IQGAP2: variants seen among roughly 807,000 people sequenced by gnomAD.
IQGAP2 encodes the protein IQ motif containing GTPase activating protein 2.
Under a neutral mutation model 201.3 loss-of-function variants are expected in IQGAP2, and 173 were observed. That is an observed-to-expected ratio of 0.86 (90% CI 0.76 to 0.98). The LOEUF (loss-of-function observed/expected upper bound fraction) is 0.98. Ranked by LOEUF, IQGAP2 falls within the 50% of genes least tolerant of loss-of-function variation. IQGAP2 has a pLI of 0.00. For missense variants in IQGAP2, 1,687 were observed against 1,864.8 expected (o/e 0.90, Z 1.76); for synonymous variants, 675 against 673.9 (o/e 1.00, Z -0.03).
At chr5:76,628,447 C>G (rs73123717) in intron 14 of IQGAP2, among the ~76,000 whole-genome samples, 2,287 of 152,294 alleles carry the variant, frequency 0.015, 74 homozygotes, top group African/African-American at 0.052. Context: ...CTGGCAGAAT[C>G]CCCACATTGG....
chr5:76,455,493 A>G (rs1039300830), intron 1 of IQGAP2, among the ~76,000 whole-genome samples: 3 of 151,796 alleles, frequency 2.0e-5, no homozygotes, highest in Non-Finnish European at 2.9e-5. Flanking sequence ...AACAAAACCA[A>G]CAAGTGTTAA....
At chr5:76,629,152 T>G (rs1010032530) in intron 14 of IQGAP2, among the ~76,000 whole-genome samples, 4 of 152,198 alleles carry the variant, frequency 2.6e-5, no homozygotes, top group Admixed American at 2.0e-4. Flanking sequence ...ACATCTAAAA[T>G]CCTATCTTTT....
At chr5:76,577,804 G>GAACT (rs1366677294) in intron 5 of IQGAP2, among the ~76,000 whole-genome samples, 1 of 152,198 alleles carries the variant, frequency 6.6e-6, no homozygotes, top group Non-Finnish European at 1.5e-5. Flanking sequence ...TGATGGAAAT[G>GAACT]AACTAACATG....
At chr5:76,657,694 A>G (rs183692927) in intron 20 of IQGAP2, among the ~76,000 whole-genome samples, 6 of 152,158 alleles carry the variant, frequency 3.9e-5, no homozygotes, top group Admixed American at 1.3e-4. Flanking sequence ...CTCCCTAAGC[A>G]TGTTAAAAAT....
chr5:76,617,669 C>T lies in IQGAP2; in HGVS notation c.1521+6486C>T, dbSNP rs1351589117. Reference sequence around the variant, plus strand: ...GATCTAAGCAACTATTAAGACTACCCAGGCACAAAGCTATGAGATATATAA... The same window carrying T: ...GATCTAAGCAACTATTAAGACTACCTAGGCACAAAGCTATGAGATATATAA... On this transcript the variant is annotated intron_variant, in intron 13 of 35. Transcript: ENST00000274364. 4 of 1,613,866 alleles carry T rather than the reference C, an allele frequency of 2.5e-6. No individual in the cohort carries two copies. The Admixed American group carries it at 6.7e-5, about 27-fold the overall frequency.
chr5:76,553,668 G>T (rs1240028443), intron 2 of IQGAP2, among the ~76,000 whole-genome samples: 1 of 152,060 alleles, frequency 6.6e-6, no homozygotes, highest in Non-Finnish European at 1.5e-5. Context: ...AAATTTGAAA[G>T]ATTTCTCCTT....
intron 1 of IQGAP2, among the ~76,000 whole-genome samples, chr5:76,419,509 T>A (rs1376557984): frequency 6.6e-5 from 10 of 152,090 alleles, no homozygotes; most frequent in Admixed American, 6.6e-4. Context: ...GCTAATTTTT[T>A]GTATTTTTAG....
chr5:76,686,363 T>G (rs1467422932), intron 30 of IQGAP2, among the ~76,000 whole-genome samples: 1 of 151,996 alleles, frequency 6.6e-6, no homozygotes, highest in Non-Finnish European at 1.5e-5. Context: ...TTGTTGTTGT[T>G]GTTGTTACTT....
intron 2 of IQGAP2, among the ~76,000 whole-genome samples, chr5:76,499,273 A>AGGGTTTCTTCTG (rs1443239193): frequency 6.6e-6 from 1 of 152,134 alleles, no homozygotes; most frequent in African/African-American, 2.4e-5. Flanking sequence ...TGTGCTGGAG[A>AGGGTTTCTTCTG]GGGTTTCTTC....
At chr5:76,413,386 C>T (rs1394252520) in intron 1 of IQGAP2, among the ~76,000 whole-genome samples, 2 of 152,110 alleles carry the variant, frequency 1.3e-5, no homozygotes, top group South Asian at 2.1e-4. Flanking sequence ...TCAGGCTGCT[C>T]TTGAACTCCT....
chr5:76,505,522 A>G (rs138528313), intron 2 of IQGAP2, among the ~76,000 whole-genome samples: 13 of 152,218 alleles, frequency 8.5e-5, no homozygotes, highest in African/African-American at 2.6e-4. Context: ...GGAGACTTGC[A>G]TTTTACCGAT....
intron 2 of IQGAP2, among the ~76,000 whole-genome samples, chr5:76,524,811 T>A (rs534214982): frequency 1.3e-4 from 20 of 152,340 alleles, no homozygotes; most frequent in Admixed American, 7.8e-4. Context: ...TAGGGAATAT[T>A]TTGCAGTGTA....
intron 19 of IQGAP2, among the ~76,000 whole-genome samples, chr5:76,654,567 G>C (rs1222966201): frequency 1.3e-5 from 2 of 152,210 alleles, no homozygotes; most frequent in Non-Finnish European, 2.9e-5. Flanking sequence ...TACATATGTA[G>C]TTTTTTCAAC....
intron 1 of IQGAP2, among the ~76,000 whole-genome samples, chr5:76,409,117 AC>A (rs2150069010): frequency 8.3e-6 from 1 of 119,870 alleles, no homozygotes; most frequent in Non-Finnish European, 2.0e-5. Context: ...AAACAAACAA[AC>A]AAAAAACAAC....
chr5:76,675,391 A>G (rs1262852976), intron 27 of IQGAP2, among the ~76,000 whole-genome samples: 1 of 152,206 alleles, frequency 6.6e-6, no homozygotes, highest in Non-Finnish European at 1.5e-5. Flanking sequence ...TTGATTTTGA[A>G]AGGTTAGGAA....
At chr5:76,636,419 CA>C (rs1561536219) in intron 15 of IQGAP2, among the ~76,000 whole-genome samples, 1 of 152,118 alleles carries the variant, frequency 6.6e-6, no homozygotes, top group Non-Finnish European at 1.5e-5. Flanking sequence ...AATTAAGTTT[CA>C]AAAAAATTTT....
Position 76,637,114 on chromosome 5 carries a change from TC to T in IQGAP2, c.1863del (p.Trp622GlyfsTer28). ...TTACAACACTGATTCAAAAGAGAGT[TC>T]CTGGGTCACACCTGAATCATGCTTG... ...YYYNTDSKES[S>X]WVTPESCLYK... On this transcript the variant is annotated frameshift_variant, in exon 16 of 36. Transcript: ENST00000274364. LOFTEE classifies it high-confidence loss of function. 6.2e-7 allele frequency: 1 copy of T among 1,611,848 alleles called. No homozygotes were observed. Among genetic ancestry groups the T allele is most frequent in the Non-Finnish European group, 8.5e-7 (1 of 1,178,372 alleles).
chr5:76,601,319 T>C (rs1481315844), intron 11 of IQGAP2, among the ~76,000 whole-genome samples: 1 of 152,248 alleles, frequency 6.6e-6, no homozygotes, highest in Non-Finnish European at 1.5e-5. Flanking sequence ...ACTTTAATAA[T>C]CATCCAGTCC....
At chr5:76,462,027 G>T (rs1226975949) in intron 2 of IQGAP2, among the ~76,000 whole-genome samples, 1 of 152,236 alleles carries the variant, frequency 6.6e-6, no homozygotes, top group Non-Finnish European at 1.5e-5. Context: ...TCTTGCAAAT[G>T]GTTGGGCAGA....
Sources: gnomAD v4.1 joint callset for allele counts (sites outside exome capture counted in the v4.1 genomes callset) on GRCh38, gnomAD v4.1.1 for gene constraint, MANE v1.5 for transcripts, NCBI Gene and HGNC (gene_info 2026-07-23, HGNC 2026-07-21) for gene names.